Variants in SYNE1 observed in about 807,000 individuals in gnomAD.
The protein encoded by SYNE1 is spectrin repeat containing nuclear envelope protein 1.
A neutral mutation model predicts 1,111.0 loss-of-function variants in SYNE1; 616 were observed. That is an observed-to-expected ratio of 0.55 (90% confidence interval 0.52 to 0.59). The LOEUF (loss-of-function observed/expected upper bound fraction) is 0.59, where lower values mean the gene tolerates loss of function less well. Ranked by LOEUF, SYNE1 falls within the 20% of genes least tolerant of loss-of-function variation. SYNE1 has a pLI of 0.00. For missense variants in SYNE1, 10,006 were observed against 10,417.0 expected (o/e 0.96, Z 1.72); for synonymous variants, 3,855 against 3,825.8 (o/e 1.01, Z -0.28).
chr6:152,634,751 T>C (rs1221085159), intron 2 of SYNE1, among the ~76,000 whole-genome samples: 1 of 152,258 alleles, frequency 6.6e-6, no homozygotes, highest in East Asian at 1.9e-4. Flanking sequence ...ATTTTGTTTA[T>C]TGTAAGCCTA....
chr6:152,436,887 C>A (rs2098478626), intron 32 of SYNE1, among the ~76,000 whole-genome samples: 2 of 151,934 alleles, frequency 1.3e-5, no homozygotes, highest in Non-Finnish European at 2.9e-5. Context: ...GATCTTTGGC[C>A]AGGCATGACG....
intron 21 of SYNE1, among the ~76,000 whole-genome samples, chr6:152,460,109 G>C (rs753478189): frequency 3.9e-5 from 6 of 152,090 alleles, no homozygotes; most frequent in Admixed American, 6.5e-5. Flanking sequence ...ACAGTAAAAA[G>C]GCAAATGACA....
chr6:152,325,009 G>A, intron 81 of SYNE1, 75 bp downstream of exon 81: 1 of 1,547,192 alleles, frequency 6.5e-7, no homozygotes, highest in Non-Finnish European at 8.9e-7. Context: ...TTCAAAAAGG[G>A]GCAAAATACT....
chr6:152,443,971 A>C (rs934509006), intron 30 of SYNE1, among the ~76,000 whole-genome samples: 3 of 152,230 alleles, frequency 2.0e-5, no homozygotes, highest in African/African-American at 7.2e-5. Flanking sequence ...CAAGTAAGTC[A>C]TCATTTCTCA....
At chr6:152,145,519 T>TTTAC in intron 137 of SYNE1, 1 of 1,614,060 alleles carries the variant, frequency 6.2e-7, no homozygotes, top group Non-Finnish European at 8.5e-7. Context: ...TTCTGTGAGT[T>TTTAC]TTACATAGGC....
At chr6:152,403,186 C>T (rs1433361493) in intron 46 of SYNE1, among the ~76,000 whole-genome samples, 1 of 152,130 alleles carries the variant, frequency 6.6e-6, no homozygotes, top group Admixed American at 6.5e-5. Context: ...AAACCTGAGC[C>T]TGGAGCCAGT....
chr6:152,218,620 G>A (rs1334079201), intron 120 of SYNE1, among the ~76,000 whole-genome samples: 3 of 152,110 alleles, frequency 2.0e-5, no homozygotes, highest in African/African-American at 7.2e-5. Context: ...TGCACCATAA[G>A]TCAATAACAA....
chr6:152,219,249 C>T lies in SYNE1; in HGVS notation c.21862-64G>A, dbSNP rs549460098. On this transcript the variant is annotated intron_variant, in intron 119 of 145. Coordinates refer to ENST00000367255, the MANE Select transcript of SYNE1 (RefSeq NM_182961.4). The stretch of plus-strand genomic sequence containing the variant: ...GATACTCCTTATCATAAACAGCAAT[C>T]GGCAAAGGGCTACACATGTAGAAAC... 1.2e-4 allele frequency: 171 copies of T among 1,455,862 alleles called. No individual in the cohort carries two copies. The African/African-American group carries it at 1.9e-3, about 16-fold the overall frequency. The allele number at this position is 1,455,862 out of a possible 1,614,324, so 90.2% of individuals were successfully genotyped here.
At chr6:152,484,339 A>G (rs971617883) in intron 13 of SYNE1, among the ~76,000 whole-genome samples, 5 of 152,248 alleles carry the variant, frequency 3.3e-5, no homozygotes, top group Non-Finnish European at 5.9e-5. Context: ...TATGAAAGAT[A>G]CTGAGCAATT....
chr6:152,553,046 T>C (rs571053578), intron 3 of SYNE1, among the ~76,000 whole-genome samples: 30 of 152,350 alleles, frequency 2.0e-4, no homozygotes, highest in Admixed American at 7.2e-4. Context: ...TTAGAATGTA[T>C]GTGGCAGGCA....
At chr6:152,474,491 C>T (rs2098824312) in intron 14 of SYNE1, 1 of 152,150 alleles carries the variant, frequency 6.6e-6, no homozygotes, top group Non-Finnish European at 1.5e-5. Context: ...GAAATGAGAT[C>T]TCCTCCATTT....
chr6:152,475,102 C>T (rs752097016), intron 14 of SYNE1, among the ~76,000 whole-genome samples: 36 of 152,098 alleles, frequency 2.4e-4, no homozygotes, highest in African/African-American at 6.8e-4. Flanking sequence ...ACAAAAGATA[C>T]ACCTAATCAT....
chr6:152,246,668 A>T (rs754625613), intron 105 of SYNE1, among the ~76,000 whole-genome samples: 9 of 152,290 alleles, frequency 5.9e-5, no homozygotes, highest in Admixed American at 2.0e-4. Context: ...ATCATTAGAA[A>T]ATTTTCCAGA....
intron 3 of SYNE1, among the ~76,000 whole-genome samples, chr6:152,618,041 T>C (rs983864432): frequency 1.3e-5 from 2 of 152,212 alleles, no homozygotes; most frequent in Non-Finnish European, 2.9e-5. Context: ...AGTGAGTCCT[T>C]GCAAGCTTCT....
intron 2 of SYNE1, among the ~76,000 whole-genome samples, chr6:152,633,162 C>G (rs530479421): frequency 6.6e-6 from 1 of 151,990 alleles, no homozygotes. Flanking sequence ...TGCGGGAGCA[C>G]GAAGGAGAGG....
chr6:152,182,771 T>C (rs916135321), intron 128 of SYNE1, among the ~76,000 whole-genome samples: 9 of 152,172 alleles, frequency 5.9e-5, no homozygotes, highest in African/African-American at 2.2e-4. Context: ...TTAGGCATAG[T>C]GAGTTGCCTA....
rs376484592 is a variant in SYNE1, at chr6:152,513,188, T to C, written c.310-2085A>G. On this transcript the variant is annotated intron_variant, in intron 6 of 145. Coordinates refer to ENST00000367255, the MANE Select transcript of SYNE1 (RefSeq NM_182961.4). ...CTGGCCCATGTAATCTGGAGAAGTC[T>C]GAGTTATAAGACAGAGGCTTGAATG... Among the ~76,000 whole-genome samples, 42 of 152,290 alleles carry C rather than the reference T, an allele frequency of 2.8e-4. 1 individual carries two copies. The East Asian group carries it at 6.4e-3, about 23-fold the overall frequency.
intron 138 of SYNE1, among the ~76,000 whole-genome samples, chr6:152,143,046 C>A (rs1445794124): frequency 2.0e-5 from 3 of 152,148 alleles, no homozygotes; most frequent in Non-Finnish European, 4.4e-5. Context: ...GGGCAAATAA[C>A]CCTCTGCTAG....
In SYNE1 at chr6:152,417,496, T is replaced by TCAAACAAA. The variant is rs541192012; in HGVS notation, c.5422-489_5422-482dup. 2.0e-4 allele frequency among the ~76,000 whole-genome samples: 26 copies of TCAAACAAA among 131,258 alleles called. 1 individual carries two copies. Among genetic ancestry groups the TCAAACAAA allele is most frequent in the South Asian group, 2.5e-4 (1 of 4,060 alleles). The allele number at this position is 131,258 out of a possible 152,430, so 86.1% of individuals were successfully genotyped here. ...CTGGGAAACAGTGTAAAACTCCGTC[T>TCAAACAAA]CAAACAAACAAACAAACAAACAAAC... On this transcript the variant is annotated intron_variant, in intron 40 of 145. Coordinates refer to ENST00000367255, the MANE Select transcript of SYNE1 (RefSeq NM_182961.4).
Sources: allele counts gnomAD v4.1 joint callset (sites outside exome capture counted in the v4.1 genomes callset), GRCh38; gene constraint gnomAD v4.1.1; transcripts MANE v1.5; gene names NCBI Gene and HGNC (gene_info 2026-07-23, HGNC 2026-07-21).